TRANK1: variants seen among roughly 807,000 people sequenced by gnomAD.
TRANK1 encodes TPR and ankyrin repeat-containing protein 1.
A neutral mutation model predicts 266.0 loss-of-function variants in TRANK1; 198 were observed. The ratio of observed to expected loss-of-function variants is 0.74; its 90% CI spans 0.66 to 0.84. TRANK1 has a LOEUF of 0.84. Among genes scored for constraint, TRANK1 ranks in the 40% least tolerant of loss-of-function variants. The probability of loss-of-function intolerance (pLI) is 0.00; values close to 1 mark genes in which losing one functional copy is unlikely to be tolerated. For synonymous variants in TRANK1, 1,396 were observed against 1,384.1 expected, an observed-to-expected ratio of 1.01 and a Z score of -0.19; for missense variants, 3,326 against 3,634.6, an observed-to-expected ratio of 0.92 and a Z score of 2.18.
At chr3:36,894,243 C>T (rs2079754748) in intron 5 of TRANK1, among the ~76,000 whole-genome samples, 1 of 152,166 alleles carries the variant, frequency 6.6e-6, no homozygotes. Context: ...GGCCATGGAG[C>T]TCTATTCATA....
rs79985536 is a variant in TRANK1 at position 36,837,105 on chromosome 3, C to T, written c.5517+1267G>A. Among the ~76,000 whole-genome samples, 902 of 152,340 alleles carry T rather than the reference C, an allele frequency of 5.9e-3. 9 individuals are homozygous for T. The highest frequency in any genetic ancestry group is 0.021 in the African/African-American group (860 of 41,584). ...TCAAATCAACCAACTTGGCAGCAGC[C>T]TTCTTCTGGATCCTCAGGATCCATC... On this transcript the variant is annotated intron_variant, in intron 20 of 23. Transcript: ENST00000645898.
At chr3:36,891,884 G>T (rs904694330) in intron 7 of TRANK1, among the ~76,000 whole-genome samples, 5 of 152,090 alleles carry the variant, frequency 3.3e-5, no homozygotes, top group African/African-American at 4.8e-5. Context: ...AACTCTGCAG[G>T]TCTCCTGGGA....
At chr3:36,854,344 A>T (rs1376133109) in intron 13 of TRANK1, among the ~76,000 whole-genome samples, 2 of 150,974 alleles carry the variant, frequency 1.3e-5, no homozygotes, top group Non-Finnish European at 3.0e-5. Flanking sequence ...TGAGCAACAG[A>T]GCAAGACTCT....
At chr3:36,910,159 A>G (rs1292187641) in intron 1 of TRANK1, among the ~76,000 whole-genome samples, 1 of 152,246 alleles carries the variant, frequency 6.6e-6, no homozygotes, top group Non-Finnish European at 1.5e-5. Context: ...ACACCAAGTA[A>G]TTGCTACTAA....
chr3:36,829,161 A>T (rs938944383), intron 23 of TRANK1, among the ~76,000 whole-genome samples: 2 of 152,238 alleles, frequency 1.3e-5, no homozygotes, highest in African/African-American at 4.8e-5. Flanking sequence ...GCGCAGAACA[A>T]CACTAATATG....
At chr3:36,852,651 C>A (rs77281637) in intron 13 of TRANK1, among the ~76,000 whole-genome samples, 1 of 151,438 alleles carries the variant, frequency 6.6e-6, no homozygotes, top group Non-Finnish European at 1.5e-5. Context: ...GTAATATAAA[C>A]AATGAGACCT....
At chr3:36,870,962 TAAAA>T (rs563787088) in intron 9 of TRANK1, among the ~76,000 whole-genome samples, 21 of 65,098 alleles carry the variant, frequency 3.2e-4, no homozygotes, top group Admixed American at 1.1e-3. Flanking sequence ...ACAAGGAAAC[TAAAA>T]AAAAAAAAAA....
chr3:36,909,474 A>T (rs1029905979), intron 1 of TRANK1, among the ~76,000 whole-genome samples: 1 of 152,172 alleles, frequency 6.6e-6, no homozygotes, highest in African/African-American at 2.4e-5. Context: ...GTCAGAGAAG[A>T]GGTCCTTTAG....
At chr3:36,878,467 G>A (rs1342544964) in intron 8 of TRANK1, among the ~76,000 whole-genome samples, 3 of 152,156 alleles carry the variant, frequency 2.0e-5, no homozygotes, top group African/African-American at 4.8e-5. Context: ...CGTGAGCAAC[G>A]TCTTAGATAG....
chr3:36,847,083 C>G, intron 16 of TRANK1, 117 bp downstream of exon 16: 1 of 1,247,892 alleles, frequency 8.0e-7, no homozygotes, highest in Non-Finnish European at 1.1e-6. Context: ...CCTCAATTCC[C>G]CGTTGCTGAG....
At position 36,833,872 on chromosome 3, in the gene TRANK1, G is replaced by A. The variant is rs762788967; in HGVS notation, c.5711C>T (p.Ser1904Phe). 4 of 1,613,802 alleles carry A rather than the reference G, an allele frequency of 2.5e-6. No homozygotes were observed. Among genetic ancestry groups the A allele is most frequent in the Non-Finnish European group, 3.4e-6 (4 of 1,179,872 alleles). ...KTKTLPISKL[S>F]YSASQFYLEA... is the part of the protein sequence containing the mutation. The stretch of plus-strand genomic sequence containing the variant: ...CAAGTAAAACTGACTGGCAGAATAG[G>A]AGAGCTTGGAAATGGGAAGGGTCTT... The change falls in exon 22 of 24, where the codon TCC becomes TTC. Residue 1904 changes from serine (S) to phenylalanine (F), a missense_variant. By Grantham distance (155) the Ser-to-Phe change is radical (BLOSUM62 -2). Coordinates refer to ENST00000645898, the MANE Select transcript of TRANK1 (RefSeq NM_001329998.2).
At chr3:36,850,308 G>A in intron 15 of TRANK1, 3 of 985,398 alleles carry the variant, frequency 3.0e-6, no homozygotes, top group Non-Finnish European at 3.6e-6. Context: ...TGTACATAAG[G>A]AACAGCAATG....
At chr3:36,884,281 G>C (rs772831897) in intron 8 of TRANK1, among the ~76,000 whole-genome samples, 2 of 152,128 alleles carry the variant, frequency 1.3e-5, no homozygotes, top group African/African-American at 2.4e-5. Flanking sequence ...ATGACACTCC[G>C]CTTCGCAATG....
chr3:36,926,411 G>C (rs1258714648), intron 1 of TRANK1, among the ~76,000 whole-genome samples: 1 of 152,142 alleles, frequency 6.6e-6, no homozygotes, highest in Non-Finnish European at 1.5e-5. Flanking sequence ...AAATTGTTAA[G>C]CCCAATACTC....
Position 36,851,468 on chromosome 3 carries a change from G to T in TRANK1, c.4887+251C>A, listed in dbSNP as rs1292951372. 4 of 1,229,438 alleles carry T rather than the reference G, an allele frequency of 3.3e-6. No homozygotes were observed. The South Asian group carries it at 1.0e-4, about 32-fold the overall frequency. 76.2% of individuals were successfully genotyped at this position (1,229,438 alleles called of 1,614,324 possible). On this transcript the variant is annotated intron_variant, in intron 15 of 23. Transcript: ENST00000645898. The stretch of plus-strand genomic sequence containing the variant: ...AATGAGAACTGGACACTGGCACTTG[G>T]GTACTAGAGAGCCAAAGAAGGGCAG...
In TRANK1 at chr3:36,856,308, G is replaced by A. The variant is rs771880408; in HGVS notation, c.3414C>T (p.Asp1138=). Residue 1138 remains aspartate, a synonymous_variant, in exon 13 of 24, where the codon GAC becomes GAT. Coordinates refer to ENST00000645898, the MANE Select transcript of TRANK1 (RefSeq NM_001329998.2). ...CTTCAATAGAATCTTCCTCTTCCTC[G>A]TCCTCTTCCTCCTCCTCTTCCTCCC... is the stretch of plus-strand genomic sequence containing the variant. The part of the protein sequence containing the change: ...PGGEEEEEEE[D]EEEEDSIEVE... 3.0e-5 allele frequency: 47 copies of A among 1,579,494 alleles called. No individual in the cohort carries two copies. Among genetic ancestry groups the A allele is most frequent in the Middle Eastern group, 1.7e-4 (1 of 6,046 alleles).
intron 1 of TRANK1, among the ~76,000 whole-genome samples, chr3:36,940,388 T>C (rs905139648): frequency 6.6e-6 from 1 of 151,630 alleles, no homozygotes; most frequent in Non-Finnish European, 1.5e-5. Context: ...TAGTCCTAGC[T>C]ACTTGGGAGG....
Position 36,864,461 on chromosome 3 carries a change from T to TCCATCA in TRANK1, c.1092_1097dup (p.Asp365_Gly366dup). Reference sequence around the variant, plus strand: ...TGAAAATGTCGTTTTCACTAGTGGGTCCATCACCATTGCTGAATCCTACAA... The same window carrying TCCATCA: ...TGAAAATGTCGTTTTCACTAGTGGGTCCATCACCATCACCATTGCTGAATCCTACAA... On this transcript the variant is annotated inframe_insertion, in exon 10 of 24. Coordinates refer to ENST00000645898, the MANE Select transcript of TRANK1 (RefSeq NM_001329998.2). 2.0e-6 allele frequency: 3 copies of TCCATCA among 1,534,198 alleles called. No individual in the cohort carries two copies. Among genetic ancestry groups the TCCATCA allele is most frequent in the Non-Finnish European group, 2.6e-6 (3 of 1,146,142 alleles).
chr3:36,902,020 A>C (rs1227593848), intron 3 of TRANK1, among the ~76,000 whole-genome samples: 4 of 152,194 alleles, frequency 2.6e-5, no homozygotes. Context: ...TCTAAAGCAG[A>C]GGTATCCAAT....
Sources: gnomAD v4.1 joint callset for allele counts (sites outside exome capture counted in the v4.1 genomes callset) on GRCh38, gnomAD v4.1.1 for gene constraint, MANE v1.5 for transcripts, NCBI Gene and HGNC (gene_info 2026-07-23, HGNC 2026-07-21) for gene names.